Variants in XXYLT1 observed in about 807,000 individuals in gnomAD.
The protein encoded by XXYLT1 is xyloside xylosyltransferase 1, also known as UDP-xylose:alpha-xyloside alpha-1,3-xylosyltransferase.
XXYLT1 carries 20 observed loss-of-function variants against 28.9 expected under a neutral mutation model. That is an observed-to-expected ratio of 0.69 (90% CI 0.49 to 1.00). The LOEUF is 1.00. Ranked by LOEUF, XXYLT1 falls within the 50% of genes least tolerant of loss-of-function variation. The pLI is 0.00. For missense variants in XXYLT1, 542 were observed against 560.1 expected (o/e 0.97, Z 0.33); for synonymous variants, 257 against 253.8 (o/e 1.01, Z -0.12).
intron 2 of XXYLT1, among the ~76,000 whole-genome samples, chr3:195,213,767 A>C (rs150969922): frequency 6.6e-6 from 1 of 152,150 alleles, no homozygotes; most frequent in African/African-American, 2.4e-5. Flanking sequence ...CTTACCAAGC[A>C]TCTCTCGGTA....
chr3:195,253,437 G>T lies in XXYLT1; in HGVS notation c.504+17118C>A, dbSNP rs759763236. ...TTTCATTTTGCATTTGCCTTAAAAT[G>T]TCTCCCAACTCTCTGAGAGCCACAT... On this transcript the variant is annotated intron_variant, in intron 1 of 3. Coordinates refer to ENST00000310380, the MANE Select transcript of XXYLT1 (RefSeq NM_152531.5). 3.1e-4 allele frequency among the ~76,000 whole-genome samples: 47 copies of T among 151,158 alleles called. 1 individual carries two copies. The highest frequency in any genetic ancestry group is 5.3e-4 in the Non-Finnish European group (36 of 67,876).
At chr3:195,120,892 CAGGGTTCCT>C (rs1718321635) in intron 3 of XXYLT1, among the ~76,000 whole-genome samples, 1 of 152,224 alleles carries the variant, frequency 6.6e-6, no homozygotes. Flanking sequence ...CCCAGACAGT[CAGGGTTCCT>C]AGGGCTTACT....
intron 2 of XXYLT1, among the ~76,000 whole-genome samples, chr3:195,225,736 C>A (rs1724019299): frequency 6.6e-6 from 1 of 151,626 alleles, no homozygotes; most frequent in Admixed American, 6.6e-5. Context: ...GTGGGGGGGA[C>A]CTGGTGGGGG....
chr3:195,070,677 C>T (rs922690516), intron 3 of XXYLT1, among the ~76,000 whole-genome samples: 8 of 152,130 alleles, frequency 5.3e-5, no homozygotes, highest in African/African-American at 1.4e-4. Context: ...CTCATCAAGA[C>T]GCAGGCAGCT....
At chr3:195,145,980 G>A (rs1158594750) in intron 3 of XXYLT1, among the ~76,000 whole-genome samples, 1 of 152,222 alleles carries the variant, frequency 6.6e-6, no homozygotes, top group East Asian at 1.9e-4. Context: ...CCTAAGGCAG[G>A]AGGAGGAGAC....
intron 1 of XXYLT1, among the ~76,000 whole-genome samples, chr3:195,238,634 C>T (rs1444397915): frequency 6.6e-6 from 1 of 152,188 alleles, no homozygotes; most frequent in Non-Finnish European, 1.5e-5. Flanking sequence ...CACATGCTTC[C>T]TGTGGTGTCT....
chr3:195,227,889 T>G (rs1724123655), intron 1 of XXYLT1, among the ~76,000 whole-genome samples: 1 of 152,220 alleles, frequency 6.6e-6, no homozygotes, highest in South Asian at 2.1e-4. Flanking sequence ...CTAACTCTAC[T>G]CCAGAAGATG....
At chr3:195,189,368 AC>A (rs1277278454) in intron 2 of XXYLT1, among the ~76,000 whole-genome samples, 1 of 152,238 alleles carries the variant, frequency 6.6e-6, no homozygotes, top group Non-Finnish European at 1.5e-5. Context: ...AACAACCATT[AC>A]AGGGAAAATA....
chr3:195,073,919 C>A (rs1024195660), intron 3 of XXYLT1, among the ~76,000 whole-genome samples: 1 of 152,166 alleles, frequency 6.6e-6, no homozygotes, highest in African/African-American at 2.4e-5. Context: ...AAGTCTTTCC[C>A]TGATGATCAC....
In XXYLT1 at chr3:195,173,789, G is replaced by A. The variant is rs576764347; in HGVS notation, c.653-17208C>T. On this transcript the variant is annotated intron_variant, in intron 2 of 3. Transcript: ENST00000310380. The surrounding 1 kb of genome is among the most constrained non-coding windows in gnomAD (Gnocchi z 4.3). ...CCATCCCGCACCGGCTCGCTGTCCA[G>A]GAGAGCACCCAGCTCCCACCAGGGA... is the stretch of plus-strand genomic sequence containing the variant. 2.0e-5 allele frequency among the ~76,000 whole-genome samples: 3 copies of A among 152,306 alleles called. No homozygotes were observed. In the East Asian group the frequency reaches 5.8e-4, roughly 29 times the overall value.
chr3:195,115,734 C>T lies in XXYLT1; in HGVS notation c.785+40715G>A, dbSNP rs529284940. 2.7e-5 allele frequency among the ~76,000 whole-genome samples: 4 copies of T among 149,528 alleles called. No homozygotes were observed. The highest frequency in any genetic ancestry group is 4.9e-5 in the African/African-American group (2 of 40,500). Reference sequence around the variant, plus strand: ...ACCTTTGAGCTGAGGTGTTCACGTCCGAGGTGGAGGAAGGAGGGCGGCAGG... The same window carrying T: ...ACCTTTGAGCTGAGGTGTTCACGTCTGAGGTGGAGGAAGGAGGGCGGCAGG... On this transcript the variant is annotated intron_variant, in intron 3 of 3. Transcript: ENST00000310380. The surrounding 1 kb of genome is among the most constrained non-coding windows in gnomAD (Gnocchi z 4.2).
In XXYLT1 at chr3:195,210,179, CCT is replaced by C. The variant is rs1560153717; in HGVS notation, c.652+16528_652+16529del. 6.6e-6 allele frequency among the ~76,000 whole-genome samples: 1 copy of C among 152,350 alleles called. No homozygotes were observed. The highest frequency in any genetic ancestry group is 2.1e-4 in the South Asian group (1 of 4,834). On this transcript the variant is annotated intron_variant, in intron 2 of 3. Coordinates refer to ENST00000310380, the MANE Select transcript of XXYLT1 (RefSeq NM_152531.5). This position sits in a 1 kb window ranked among gnomAD's most constrained non-coding sequence, Gnocchi z 4.8. ...CCTCTCCTCATCCTCCTCAAAGCTT[CCT>C]CTCTGTGCCCTGACAGAACTGACAG...
chr3:195,217,705 G>A (rs1723635334), intron 2 of XXYLT1, among the ~76,000 whole-genome samples: 1 of 151,718 alleles, frequency 6.6e-6, no homozygotes, highest in South Asian at 2.1e-4. Flanking sequence ...TCATGGGTAG[G>A]AAGAATCAAT....
chr3:195,241,144 C>A (rs1337651846), intron 1 of XXYLT1, among the ~76,000 whole-genome samples: 2 of 152,226 alleles, frequency 1.3e-5, no homozygotes, highest in African/African-American at 4.8e-5. Context: ...TCAGGACCGA[C>A]ACCTACTTGG....
At chr3:195,216,983 C>T (rs2108788519) in intron 2 of XXYLT1, among the ~76,000 whole-genome samples, 1 of 127,204 alleles carries the variant, frequency 7.9e-6, no homozygotes, top group African/African-American at 3.8e-5. Flanking sequence ...TGGGCTTCAT[C>T]CCTGGGATGC....
intron 1 of XXYLT1, among the ~76,000 whole-genome samples, chr3:195,263,108 T>C (rs1725742924): frequency 6.6e-6 from 1 of 152,202 alleles, no homozygotes; most frequent in Non-Finnish European, 1.5e-5. Flanking sequence ...AGCATCAAGG[T>C]CAAGGTCTTC....
intron 3 of XXYLT1, among the ~76,000 whole-genome samples, chr3:195,132,703 C>T (rs556221402): frequency 6.6e-6 from 1 of 152,174 alleles, no homozygotes; most frequent in African/African-American, 2.4e-5. Flanking sequence ...AGGAACGCCA[C>T]GGTTTTATTC....
chr3:195,117,862 C>A (rs1157437001), intron 3 of XXYLT1, among the ~76,000 whole-genome samples: 1 of 152,164 alleles, frequency 6.6e-6, no homozygotes, highest in Admixed American at 6.6e-5. Flanking sequence ...CATTCCTGGG[C>A]CCCTGGGCCA....
At chr3:195,126,371 G>A (rs1181755095) in intron 3 of XXYLT1, among the ~76,000 whole-genome samples, 3 of 152,206 alleles carry the variant, frequency 2.0e-5, no homozygotes, top group Non-Finnish European at 4.4e-5. Context: ...TGGTAAATGC[G>A]ATTGGTCATT....
Sources: allele counts gnomAD v4.1 joint callset (sites outside exome capture counted in the v4.1 genomes callset), GRCh38; gene constraint gnomAD v4.1.1; non-coding constraint Gnocchi (gnomAD v3.1); transcripts MANE v1.5; gene names NCBI Gene and HGNC (gene_info 2026-07-23, HGNC 2026-07-21).